Variants in MTAP observed in about 807,000 individuals in gnomAD.
MTAP encodes the protein S-methyl-5'-thioadenosine phosphorylase.
A neutral mutation model predicts 33.6 loss-of-function variants in MTAP; 33 were observed. The ratio of observed to expected loss-of-function variants is 0.98; its 90% CI spans 0.74 to 1.31. The LOEUF (loss-of-function observed/expected upper bound fraction) is 1.31, where lower values mean the gene tolerates loss of function less well. Ranked by LOEUF, MTAP falls within the 40% of genes most tolerant of loss-of-function variation. The pLI, the probability that MTAP is intolerant of heterozygous loss-of-function variation, is 0.00. For missense variants in MTAP, 367 were observed against 360.0 expected (o/e 1.02, Z -0.16); for synonymous variants, 148 against 125.7 (o/e 1.18, Z -1.19).
chr9:21,818,609 G>A lies in MTAP; in HGVS notation c.347+407G>A, dbSNP rs139514877. On this transcript the variant is annotated intron_variant, in intron 4 of 7. Transcript: ENST00000644715. The stretch of plus-strand genomic sequence containing the variant: ...CAAAGTGCTGGGATTACAGGCGTGA[G>A]CCACTGCACCCAGCCTGTGTTAAGC... Among the ~76,000 whole-genome samples the A allele has an allele frequency of 2.1e-4, 32 of 152,260 alleles. No homozygotes were observed. In the East Asian group the frequency reaches 5.0e-3, roughly 24 times the overall value.
rs1033674035 is a variant in MTAP, at chr9:21,864,979, C to T, written c.*2965C>T. The stretch of plus-strand genomic sequence containing the variant: ...AACAAGCATTTAGCCAGCACTTATC[C>T]AGTGAAACAATTTGATAAGGTTTCA... On this transcript the variant is annotated 3_prime_UTR_variant, in exon 8 of 8. Transcript: ENST00000644715. 8.1e-6 allele frequency: 8 copies of T among 985,310 alleles called. No individual in the cohort carries two copies. In the African/African-American group the frequency reaches 1.2e-4, roughly 15 times the overall value. 61.0% of individuals were successfully genotyped at this position (985,310 alleles called of 1,614,324 possible). A position where few individuals can be genotyped will look rare whatever the true frequency, so the allele number is the denominator to read the frequency against.
chr9:21,925,124 A>C (rs1818848682), intron 1 of MTAP, among the ~76,000 whole-genome samples: 1 of 152,224 alleles, frequency 6.6e-6, no homozygotes, highest in Non-Finnish European at 1.5e-5. Context: ...TGGGCAAAGA[A>C]TTGCATGTTC....
intron 4 of MTAP, among the ~76,000 whole-genome samples, chr9:21,836,628 G>A (rs1052241675): frequency 3.9e-5 from 6 of 152,202 alleles, no homozygotes; most frequent in African/African-American, 1.2e-4. Context: ...AAAGAGAAAA[G>A]CCTCTGTTTA....
chr9:21,886,886 TG>T (rs1214880232), intron 1 of MTAP, among the ~76,000 whole-genome samples: 1 of 152,220 alleles, frequency 6.6e-6, no homozygotes, highest in Non-Finnish European at 1.5e-5. Context: ...CCTTCAGATT[TG>T]TTCTTTTCGC....
chr9:21,836,211 A>G (rs1039873216), intron 4 of MTAP, among the ~76,000 whole-genome samples: 10 of 152,184 alleles, frequency 6.6e-5, no homozygotes, highest in African/African-American at 1.9e-4. Flanking sequence ...AATCAAAAAG[A>G]TATGGCAATT....
intron 1 of MTAP, among the ~76,000 whole-genome samples, chr9:21,909,619 C>G (rs1372771729): frequency 6.6e-6 from 1 of 152,006 alleles, no homozygotes; most frequent in Non-Finnish European, 1.5e-5. Flanking sequence ...AATAAGTAAG[C>G]CTAGATGCCC....
At chr9:21,815,242 A>G (rs898716472) in intron 1 of MTAP, among the ~76,000 whole-genome samples, 191 bp from the exon 2 acceptor site, 30 of 152,176 alleles carry the variant, frequency 2.0e-4, no homozygotes, top group Admixed American at 7.9e-4. Context: ...AGGCCTTCAA[A>G]TGTTTGTTGA....
At chr9:21,827,253 A>G (rs193232408) in intron 4 of MTAP, among the ~76,000 whole-genome samples, 6 of 152,144 alleles carry the variant, frequency 3.9e-5, no homozygotes, top group East Asian at 1.9e-4. Flanking sequence ...CCCCCATCCA[A>G]TCACCCTGCC....
intron 1 of MTAP, among the ~76,000 whole-genome samples, chr9:21,882,700 G>A (rs2118707055): frequency 6.6e-6 from 1 of 151,876 alleles, no homozygotes; most frequent in East Asian, 1.9e-4. Flanking sequence ...AAGAACACAT[G>A]GTACATTTAC....
intron 5 of MTAP, among the ~76,000 whole-genome samples, chr9:21,839,352 C>T (rs536203995): frequency 6.6e-5 from 10 of 151,980 alleles, no homozygotes; most frequent in Non-Finnish European, 1.5e-4. Flanking sequence ...AATTCTTGTC[C>T]ACTTCAAAAT....
intron 5 of MTAP, among the ~76,000 whole-genome samples, chr9:21,846,405 A>G (rs1209850489): frequency 6.8e-6 from 1 of 146,468 alleles, no homozygotes; most frequent in African/African-American, 2.7e-5. Context: ...GGGAACTGAA[A>G]CAAATCAGCA....
intron 4 of MTAP, among the ~76,000 whole-genome samples, chr9:21,830,956 T>G (rs761580103): frequency 6.6e-6 from 1 of 152,138 alleles, no homozygotes; most frequent in Non-Finnish European, 1.5e-5. Flanking sequence ...TGGTTTTTAA[T>G]GAGATTTTTG....
At chr9:21,900,694 C>T (rs1012514390) in intron 1 of MTAP, among the ~76,000 whole-genome samples, 1 of 152,182 alleles carries the variant, frequency 6.6e-6, no homozygotes, top group Non-Finnish European at 1.5e-5. Context: ...ATAAACTGTT[C>T]AACCATAAAG....
intron 1 of MTAP, among the ~76,000 whole-genome samples, chr9:21,911,680 A>G (rs182391204): frequency 9.8e-5 from 15 of 152,340 alleles, no homozygotes; most frequent in African/African-American, 3.4e-4. Flanking sequence ...GAAAGCAGGA[A>G]AGATCTAAAA....
chr9:21,894,119 T>C (rs1041952929), intron 1 of MTAP, among the ~76,000 whole-genome samples: 5 of 151,822 alleles, frequency 3.3e-5, no homozygotes, highest in Admixed American at 3.3e-4. Flanking sequence ...TAAATATGAT[T>C]TGTCACAAAA....
chr9:21,827,873 A>G (rs1305677885), intron 4 of MTAP, among the ~76,000 whole-genome samples: 1 of 152,232 alleles, frequency 6.6e-6, no homozygotes, highest in Non-Finnish European at 1.5e-5. Flanking sequence ...TGATTGCTAA[A>G]TAGAGTGGAA....
At chr9:21,822,960 T>G (rs1824684719) in intron 4 of MTAP, among the ~76,000 whole-genome samples, 1 of 152,226 alleles carries the variant, frequency 6.6e-6, no homozygotes, top group African/African-American at 2.4e-5. Flanking sequence ...CGACTGCCTT[T>G]TTTTGTTTTC....
At chr9:21,823,427 G>A (rs1282088137) in intron 4 of MTAP, among the ~76,000 whole-genome samples, 1 of 152,196 alleles carries the variant, frequency 6.6e-6, no homozygotes, top group African/African-American at 2.4e-5. Flanking sequence ...CTTTAAGAAT[G>A]TTGAATATTG....
downstream of MTAP, among the ~76,000 whole-genome samples, chr9:21,869,307 G>A (rs754370376): frequency 5.3e-5 from 8 of 152,040 alleles, no homozygotes; most frequent in South Asian, 8.3e-4. Context: ...CAAGGTCACC[G>A]ATTTACTGCA....
Sources: allele counts gnomAD v4.1 joint callset (sites outside exome capture counted in the v4.1 genomes callset), GRCh38; gene constraint gnomAD v4.1.1; transcripts MANE v1.5; gene names NCBI Gene and HGNC (gene_info 2026-07-23, HGNC 2026-07-21).